NRDC: variants seen among roughly 807,000 people sequenced by gnomAD.
The protein encoded by NRDC is nardilysin convertase.
NRDC carries 54 observed loss-of-function variants against 147.1 expected under a neutral mutation model. The observed-to-expected ratio is 0.37, with a 90% CI of 0.29 to 0.46. The LOEUF is 0.46. Among genes scored for constraint, NRDC ranks in the 20% least tolerant of loss-of-function variants. The probability of loss-of-function intolerance (pLI) is 1.00; values close to 1 mark genes in which losing one functional copy is unlikely to be tolerated. For missense variants in NRDC, 1,082 were observed against 1,370.6 expected, an observed-to-expected ratio of 0.79 and a Z score of 3.33; for synonymous variants, 440 against 482.1, an observed-to-expected ratio of 0.91 and a Z score of 1.14.
intron 7 of NRDC, among the ~76,000 whole-genome samples, chr1:51,823,390 AT>A (rs1186939975): frequency 5.3e-5 from 8 of 152,178 alleles, no homozygotes; most frequent in Non-Finnish European, 1.2e-4. Context: ...ACCTATTAGA[AT>A]ATTAGTACAT....
At chr1:51,804,276 C>T (rs1479232661) in intron 19 of NRDC, among the ~76,000 whole-genome samples, 1 of 152,164 alleles carries the variant, frequency 6.6e-6, no homozygotes, top group Non-Finnish European at 1.5e-5. Context: ...CCCTCCAAGT[C>T]TAGGCATTCT....
intron 22 of NRDC, among the ~76,000 whole-genome samples, chr1:51,797,146 G>A (rs1260639417): frequency 2.6e-5 from 4 of 151,842 alleles, no homozygotes. Context: ...GTTGCAGTTG[G>A]GCCAAGATCA....
chr1:51,811,254 C>T (rs1257840650), intron 15 of NRDC, among the ~76,000 whole-genome samples: 2 of 152,132 alleles, frequency 1.3e-5, no homozygotes, highest in Middle Eastern at 3.2e-3. Context: ...TCAAGGAATG[C>T]CCTATAATTT....
chr1:51,825,519 G>T, intron 5 of NRDC, 137 bp from the exon 6 acceptor site: 1 of 683,224 alleles, frequency 1.5e-6, no homozygotes, highest in Non-Finnish European at 2.5e-6. Context: ...GACTGAAGTG[G>T]GAAACTCAAT....
intron 2 of NRDC, among the ~76,000 whole-genome samples, chr1:51,839,022 C>G (rs1212469568): frequency 6.6e-6 from 1 of 152,060 alleles, no homozygotes; most frequent in African/African-American, 2.4e-5. Flanking sequence ...ATTACTCAAT[C>G]CAACAACTTA....
intron 1 of NRDC, among the ~76,000 whole-genome samples, chr1:51,846,870 T>G (rs773749003): frequency 6.6e-6 from 1 of 152,228 alleles, no homozygotes; most frequent in Non-Finnish European, 1.5e-5. Flanking sequence ...TTTGACAGGA[T>G]GCTGATTGGT....
intron 1 of NRDC, among the ~76,000 whole-genome samples, chr1:51,865,232 G>A (rs970458099): frequency 2.0e-5 from 3 of 151,260 alleles, no homozygotes; most frequent in African/African-American, 4.8e-5. Context: ...GAGAAATCCT[G>A]ATGTCTACAA....
chr1:51,832,266 C>T (rs1053215156), intron 4 of NRDC, among the ~76,000 whole-genome samples: 5 of 152,132 alleles, frequency 3.3e-5, no homozygotes, highest in African/African-American at 9.6e-5. Flanking sequence ...AGGCTGGTCT[C>T]GAACTCCTGG....
intron 1 of NRDC, among the ~76,000 whole-genome samples, chr1:51,846,869 A>C (rs1039923438): frequency 3.9e-5 from 6 of 152,202 alleles, no homozygotes; most frequent in African/African-American, 1.4e-4. Flanking sequence ...TTTTGACAGG[A>C]TGCTGATTGG....
At chr1:51,835,362 C>T (rs1344481553) in intron 3 of NRDC, among the ~76,000 whole-genome samples, 2 of 151,306 alleles carry the variant, frequency 1.3e-5, no homozygotes, top group Non-Finnish European at 2.9e-5. Context: ...CGCCCGGCCC[C>T]GTGTAAGTTT....
At chr1:51,819,732 G>T in intron 9 of NRDC, 68 bp downstream of exon 9, 1 of 1,259,902 alleles carries the variant, frequency 7.9e-7, no homozygotes. Context: ...AAAATTGGCA[G>T]CTTCAATTAG....
rs1358609945 is a variant in NRDC at position 51,830,911 on chromosome 1, G to A, written c.867-3042C>T. Among the ~76,000 whole-genome samples, 3 of 152,062 alleles carry A rather than the reference G, an allele frequency of 2.0e-5. No homozygotes were observed. The East Asian group carries it at 5.8e-4, about 29-fold the overall frequency. On this transcript the variant is annotated intron_variant, in intron 4 of 30. Coordinates refer to ENST00000352171, the MANE Select transcript of NRDC (RefSeq NM_001101662.2). Reference sequence around the variant, plus strand: ...AGATTTTGCTAACCTATTAAAAACAGGTACTTAATCCATGTTATATAAGAG... The same window carrying A: ...AGATTTTGCTAACCTATTAAAAACAAGTACTTAATCCATGTTATATAAGAG...
chr1:51,791,440 C>T (rs1678649411), intron 27 of NRDC, 138 bp downstream of exon 27: 1 of 698,320 alleles, frequency 1.4e-6, no homozygotes, highest in Non-Finnish European at 2.6e-6. Context: ...CTATAACAAC[C>T]CCCATCTTCC....
rs185074100 is a variant in NRDC at position 51,841,329 on chromosome 1, A to G, written c.342-815T>C. On this transcript the variant is annotated intron_variant, in intron 1 of 30. Coordinates refer to ENST00000352171, the MANE Select transcript of NRDC (RefSeq NM_001101662.2). Reference sequence around the variant, plus strand: ...ATTTTTTTTTTCCTTTTTCTTTGAGACAAGGTCTCACTCTGTTGTGTAGGC... The same window carrying G: ...ATTTTTTTTTTCCTTTTTCTTTGAGGCAAGGTCTCACTCTGTTGTGTAGGC... 6.6e-5 allele frequency among the ~76,000 whole-genome samples: 10 copies of G among 152,172 alleles called. No homozygotes were observed. In the East Asian group the frequency reaches 1.9e-3, roughly 29 times the overall value.
chr1:51,840,213 A>T lies in NRDC; in HGVS notation c.630+13T>A, dbSNP rs777677353. ...GAATTCCCAAATTAGAAGAAAACAG[A>T]CATGACTCGCACCTGTTTTTCAGTA... On this transcript the variant is annotated intron_variant, in intron 2 of 30. Coordinates refer to ENST00000352171, the MANE Select transcript of NRDC (RefSeq NM_001101662.2). 1 of 1,572,964 alleles carries T rather than the reference A, an allele frequency of 6.4e-7. No homozygotes were observed. Among genetic ancestry groups the T allele is most frequent in the Admixed American group, 1.9e-5 (1 of 51,396 alleles).
chr1:51,844,844 AGGAAG>A (rs1681469812), intron 1 of NRDC, among the ~76,000 whole-genome samples: 1 of 124,794 alleles, frequency 8.0e-6, no homozygotes, highest in Non-Finnish European at 1.6e-5. Context: ...GAAGGAAGGA[AGGAAG>A]GAAGGAAGGA....
At chr1:51,810,148 A>C (rs1294448970) in intron 16 of NRDC, 133 bp downstream of exon 16, 13 of 576,056 alleles carry the variant, frequency 2.3e-5, no homozygotes, top group Non-Finnish European at 3.6e-5. Context: ...AGTATAAGTA[A>C]TTTTCATTTC....
At position 51,806,930 on chromosome 1, in the gene NRDC, A is replaced by G; in HGVS notation, c.1991-17T>C. 5 of 1,608,950 alleles carry G rather than the reference A, an allele frequency of 3.1e-6. No individual in the cohort carries two copies. Among genetic ancestry groups the G allele is most frequent in the Non-Finnish European group, 4.2e-6 (5 of 1,178,200 alleles). ...AGTCCGTGGCTAATAAAAGAAGATA[A>G]TAATAATTCACTCAAGTATTTCAGC... On this transcript the variant is annotated splice_polypyrimidine_tract_variant and intron_variant, in intron 17 of 30. Coordinates refer to ENST00000352171, the MANE Select transcript of NRDC (RefSeq NM_001101662.2).
At chr1:51,845,355 G>T (rs1324460095) in intron 1 of NRDC, among the ~76,000 whole-genome samples, 2 of 152,146 alleles carry the variant, frequency 1.3e-5, no homozygotes, top group Non-Finnish European at 2.9e-5. Context: ...CACTTCGGAA[G>T]GCCAAGGCGG....
Sources: gnomAD v4.1 joint callset for allele counts (sites outside exome capture counted in the v4.1 genomes callset) on GRCh38, gnomAD v4.1.1 for gene constraint, MANE v1.5 for transcripts, NCBI Gene and HGNC (gene_info 2026-07-23, HGNC 2026-07-21) for gene names.